Variants in ATAD2B observed in about 807,000 individuals in gnomAD.
ATAD2B encodes the protein ATPase family AAA domain containing 2B, also known as ATPase family AAA domain-containing protein 2B.
Under a neutral mutation model 167.6 loss-of-function variants are expected in ATAD2B, and 40 were observed. The ratio of observed to expected loss-of-function variants is 0.24; its 90% CI spans 0.19 to 0.31. ATAD2B has a LOEUF of 0.31. ATAD2B is among the 10% of genes least tolerant of loss of function. The pLI is 1.00. For missense variants in ATAD2B, 1,242 were observed against 1,757.2 expected, an observed-to-expected ratio of 0.71 and a Z score of 5.24; for synonymous variants, 579 against 596.5, an observed-to-expected ratio of 0.97 and a Z score of 0.43.
the ATAD2B span, chr2:23,689,921 T>A: frequency 6.6e-6 from 1 of 152,288 alleles, no homozygotes; most frequent in African/African-American, 2.4e-5. Flanking sequence ...TAGAAGTCAC[T>A]CTGTGTTGGG....
chr2:23,710,717 A>G, the ATAD2B span, among the ~76,000 whole-genome samples: 1 of 152,246 alleles, frequency 6.6e-6, no homozygotes, highest in Admixed American at 6.5e-5. Flanking sequence ...TACAAATGAA[A>G]AAACAATACA....
chr2:23,715,457 C>T, the ATAD2B span, among the ~76,000 whole-genome samples: 1 of 151,898 alleles, frequency 6.6e-6, no homozygotes, highest in African/African-American at 2.4e-5. Context: ...GCCTGTAGTC[C>T]CAGCTACTCG....
At chr2:23,682,141 C>A in the ATAD2B span, among the ~76,000 whole-genome samples, 1 of 152,160 alleles carries the variant, frequency 6.6e-6, no homozygotes, top group Non-Finnish European at 1.5e-5. This position sits in a 1 kb window ranked among gnomAD's most constrained non-coding sequence, Gnocchi z 4.1. Context: ...CTGCACTGAG[C>A]CCCACGGGGT....
At chr2:23,685,644 G>A in the ATAD2B span, among the ~76,000 whole-genome samples, 2 of 152,220 alleles carry the variant, frequency 1.3e-5, no homozygotes, top group East Asian at 1.9e-4. Flanking sequence ...CCTCAGCCTC[G>A]CAGGAAGGGG....
At chr2:23,804,812 T>A (rs1684098883) in intron 18 of ATAD2B, among the ~76,000 whole-genome samples, 1 of 151,922 alleles carries the variant, frequency 6.6e-6, no homozygotes, top group Non-Finnish European at 1.5e-5. Context: ...GGAACAACTA[T>A]AAACAAAAAT....
At chr2:23,703,919 G>A in the ATAD2B span, 2 of 1,484,290 alleles carry the variant, frequency 1.3e-6, no homozygotes, top group Middle Eastern at 1.7e-4. Flanking sequence ...GAGGAGGAGG[G>A]GTGTGACCAC....
intron 22 of ATAD2B, among the ~76,000 whole-genome samples, chr2:23,776,657 G>GTAGTGT (rs1307547660): frequency 6.6e-6 from 1 of 151,962 alleles, no homozygotes; most frequent in Non-Finnish European, 1.5e-5. Context: ...TAATCTCCAG[G>GTAGTGT]TAGTGTCTTC....
intron 1 of ATAD2B, among the ~76,000 whole-genome samples, chr2:23,923,520 A>G (rs1224211380): frequency 1.3e-5 from 2 of 152,180 alleles, no homozygotes; most frequent in Non-Finnish European, 2.9e-5. Flanking sequence ...TACATTCATA[A>G]TAAAAGGGAC....
chr2:23,916,703 G>A (rs2150607492), intron 1 of ATAD2B, among the ~76,000 whole-genome samples: 1 of 152,194 alleles, frequency 6.6e-6, no homozygotes, highest in Admixed American at 6.5e-5. Context: ...AGACCTTAAA[G>A]GCCCAAAAGG....
At position 23,828,895 on chromosome 2, in the gene ATAD2B, T is replaced by C. The variant is rs945415795; in HGVS notation, c.1773A>G (p.Pro591=). ...ILQIHTRDWN[P]KLSDAFLGEL... Reference sequence around the variant, plus strand: ...CACCTAAAAATGCATCTGACAATTTTGGATTCCAGTCCCTGGTATGGATCT... The same window carrying C: ...CACCTAAAAATGCATCTGACAATTTCGGATTCCAGTCCCTGGTATGGATCT... The change falls in exon 15 of 28, where the codon CCA becomes CCG. Residue 591 remains proline, a synonymous_variant. Transcript: ENST00000238789. 7 of 1,610,818 alleles carry C rather than the reference T, an allele frequency of 4.3e-6. No homozygotes were observed. The highest frequency in any genetic ancestry group is 1.7e-5 in the Admixed American group (1 of 59,716).
At chr2:23,897,846 G>C (rs1326213756) in intron 1 of ATAD2B, among the ~76,000 whole-genome samples, 1 of 152,158 alleles carries the variant, frequency 6.6e-6, no homozygotes, top group Non-Finnish European at 1.5e-5. Context: ...ATAGTATTTA[G>C]AAACCAAAAG....
intron 25 of ATAD2B, among the ~76,000 whole-genome samples, chr2:23,756,572 A>G (rs1675976689): frequency 6.6e-6 from 1 of 152,142 alleles, no homozygotes. Flanking sequence ...GCTATGGGCT[A>G]AAGAATAATG....
At chr2:23,816,402 A>G (rs887756547) in intron 17 of ATAD2B, among the ~76,000 whole-genome samples, 2 of 152,200 alleles carry the variant, frequency 1.3e-5, no homozygotes, top group South Asian at 2.1e-4. Flanking sequence ...AATTTTACCA[A>G]TAAGGGTCTA....
rs530822991 is a variant in ATAD2B, at chr2:23,817,821, T to C, written c.2267+1926A>G. On this transcript the variant is annotated intron_variant, in intron 17 of 27. Coordinates refer to ENST00000238789, the MANE Select transcript of ATAD2B (RefSeq NM_017552.4). ...AAAGCTTATGTAAAGGAAGCTAAAA[T>C]TAAACCAATTCTTTCAGAAAAGCTA... 4.6e-5 allele frequency among the ~76,000 whole-genome samples: 7 copies of C among 152,208 alleles called. No individual in the cohort carries two copies. The South Asian group carries it at 1.4e-3, about 32-fold the overall frequency.
chr2:23,815,364 G>A (rs1010482493), intron 17 of ATAD2B, among the ~76,000 whole-genome samples: 9 of 152,160 alleles, frequency 5.9e-5, no homozygotes, highest in African/African-American at 2.4e-5. Flanking sequence ...ACTAGACAAA[G>A]AAAGAAATAA....
At chr2:23,882,122 G>C (rs1037001748) in intron 6 of ATAD2B, among the ~76,000 whole-genome samples, 3 of 152,188 alleles carry the variant, frequency 2.0e-5, no homozygotes, top group Non-Finnish European at 4.4e-5. Flanking sequence ...ATACTTAGGA[G>C]GCTAAGGCGG....
At chr2:23,736,514 G>A in the ATAD2B span, among the ~76,000 whole-genome samples, 5 of 152,196 alleles carry the variant, frequency 3.3e-5, no homozygotes, top group African/African-American at 7.2e-5. Context: ...TCACAGAGAT[G>A]AGCTGATCTT....
chr2:23,833,150 G>A (rs1689335030), intron 14 of ATAD2B, among the ~76,000 whole-genome samples: 1 of 152,206 alleles, frequency 6.6e-6, no homozygotes, highest in Non-Finnish European at 1.5e-5. Context: ...TCTACACAGG[G>A]AAGCCATTGC....
At chr2:23,810,640 CTT>C (rs975902704) in intron 17 of ATAD2B, 138 bp from the exon 18 acceptor site, 4 of 654,094 alleles carry the variant, frequency 6.1e-6, no homozygotes, top group African/African-American at 5.5e-5. Flanking sequence ...AGTATAGTGA[CTT>C]ATTTTTTTAT....
Sources: gnomAD v4.1 joint callset for allele counts (sites outside exome capture counted in the v4.1 genomes callset) on GRCh38, gnomAD v4.1.1 for gene constraint, Gnocchi (gnomAD v3.1) non-coding constraint, MANE v1.5 for transcripts, NCBI Gene and HGNC (gene_info 2026-07-23, HGNC 2026-07-21) for gene names.